RFT1: variants seen among roughly 807,000 people sequenced by gnomAD.
RFT1 encodes RFT1 glycolipid translocator homolog.
In RFT1, 43 loss-of-function variants were observed where a neutral mutation model predicts 62.2. The observed-to-expected ratio is 0.69, with a 90% CI of 0.54 to 0.89. The LOEUF is 0.89. Among genes scored for constraint, RFT1 ranks in the 40% least tolerant of loss-of-function variants. The pLI is 0.00. For missense variants in RFT1, 605 were observed against 649.9 expected, an observed-to-expected ratio of 0.93 and a Z score of 0.75; for synonymous variants, 262 against 264.6, an observed-to-expected ratio of 0.99 and a Z score of 0.10.
chr3:53,097,154 T>C (rs1340887826), intron 11 of RFT1, among the ~76,000 whole-genome samples: 1 of 152,250 alleles, frequency 6.6e-6, no homozygotes, highest in Non-Finnish European at 1.5e-5. Context: ...AAAGTCATTA[T>C]AATTGATTGT....
Position 53,105,740 on chromosome 3 carries a change from T to A in RFT1, c.890A>T (p.Glu297Val). Reference protein sequence around the residue: ...LVARLIFQPIEESFYIFFAKV... With the variant: ...LVARLIFQPIVESFYIFFAKV... ...AGCAAAAAATATATAAAAACTTTCCTCTATTGGCTGGAAAATTAATCTGGC... is the reference window on the plus strand; with the variant it reads ...AGCAAAAAATATATAAAAACTTTCCACTATTGGCTGGAAAATTAATCTGGC... Residue 297 changes from glutamate (E) to valine (V), a missense_variant, in exon 9 of 13, where the codon GAG becomes GTG. Physicochemically the swap from Glu to Val is moderately radical, Grantham distance 121. Transcript: ENST00000296292. The A allele has an allele frequency of 6.2e-7, 1 of 1,613,894 alleles. No homozygotes were observed.
At chr3:53,116,850 C>T (rs1022234265) in intron 6 of RFT1, among the ~76,000 whole-genome samples, 4 of 151,416 alleles carry the variant, frequency 2.6e-5, no homozygotes, top group Admixed American at 1.3e-4. Context: ...GTGATCTGCC[C>T]GCTCAGCCTC....
chr3:53,129,374 G>A lies in RFT1; in HGVS notation c.63+964C>T, dbSNP rs571607766. 3.9e-5 allele frequency among the ~76,000 whole-genome samples: 6 copies of A among 152,314 alleles called. No individual in the cohort carries two copies. In the East Asian group the frequency reaches 7.7e-4, roughly 20 times the overall value. On this transcript the variant is annotated intron_variant, in intron 1 of 12. Coordinates refer to ENST00000296292, the MANE Select transcript of RFT1 (RefSeq NM_052859.4). The stretch of plus-strand genomic sequence containing the variant: ...CACTATGATTCTCATTTAAGATGAA[G>A]AAACTGATACAGAAGTCATCGGATT...
rs371764423 is a variant in RFT1, at chr3:53,123,723, C to G, written c.266+1G>C. 2 of 1,611,580 alleles carry G rather than the reference C, an allele frequency of 1.2e-6. No individual in the cohort carries two copies. The highest frequency in any genetic ancestry group is 1.1e-5 in the South Asian group (1 of 91,038). On this transcript the variant is annotated splice_donor_variant, in intron 3 of 12. Transcript: ENST00000296292. LOFTEE classifies it high-confidence loss of function. The stretch of plus-strand genomic sequence containing the variant: ...GTGTCTCCTGCCAAAGCACAACTCA[C>G]GTTAGCCACAGCAGGTTGAGGGTCT...
chr3:53,118,326 A>C (rs1341130399), intron 6 of RFT1, among the ~76,000 whole-genome samples: 1 of 152,162 alleles, frequency 6.6e-6, no homozygotes, highest in Non-Finnish European at 1.5e-5. Context: ...GGCAGGGGGC[A>C]GAAGCTCTAG....
chr3:53,111,666 A>G (rs1220093945), intron 7 of RFT1, among the ~76,000 whole-genome samples, 164 bp downstream of exon 7: 3 of 152,160 alleles, frequency 2.0e-5, no homozygotes, highest in Admixed American at 1.3e-4. Context: ...ATCAAACTAA[A>G]CAGACGTTGG....
intron 6 of RFT1, among the ~76,000 whole-genome samples, chr3:53,114,447 G>A (rs1220006547): frequency 1.3e-5 from 2 of 152,180 alleles, no homozygotes; most frequent in African/African-American, 4.8e-5. Flanking sequence ...ATGGGCCTGT[G>A]GTTCAGAAGG....
intron 1 of RFT1, among the ~76,000 whole-genome samples, chr3:53,130,010 A>G (rs1702215233): frequency 6.6e-6 from 1 of 152,210 alleles, no homozygotes. Flanking sequence ...TGCCTGAAAA[A>G]TATCAGATTC....
the RFT1 span, among the ~76,000 whole-genome samples, chr3:53,075,900 G>C: frequency 6.6e-6 from 1 of 152,318 alleles, no homozygotes; most frequent in East Asian, 1.9e-4. Flanking sequence ...GGCAACCTCA[G>C]CTTGGCAGTT....
At chr3:53,098,801 CAAAAAAAAAAA>C (rs35371104) in intron 11 of RFT1, among the ~76,000 whole-genome samples, 10 of 57,636 alleles carry the variant, frequency 1.7e-4, no homozygotes, top group Non-Finnish European at 2.3e-4. Flanking sequence ...GACTCCATCT[CAAAAAAAAAAA>C]AAAAAAAAAA....
chr3:53,084,385 A>G (rs930515451), downstream of RFT1, among the ~76,000 whole-genome samples: 6 of 152,248 alleles, frequency 3.9e-5, no homozygotes, highest in Non-Finnish European at 7.3e-5. Context: ...CGCTGCCCGC[A>G]GACAGTCATG....
At chr3:53,108,793 C>G (rs1462481769) in intron 7 of RFT1, among the ~76,000 whole-genome samples, 1 of 151,648 alleles carries the variant, frequency 6.6e-6, no homozygotes, top group African/African-American at 2.4e-5. Context: ...CTCTGCCTCC[C>G]GAGTAGCTGG....
chr3:53,101,177 C>T (rs769331234), intron 10 of RFT1, among the ~76,000 whole-genome samples: 33 of 152,336 alleles, frequency 2.2e-4, no homozygotes, highest in Admixed American at 6.5e-4. Flanking sequence ...CCGTTTTCCA[C>T]GGCCCTGTCT....
intron 10 of RFT1, among the ~76,000 whole-genome samples, chr3:53,101,714 T>C (rs1701320054): frequency 1.3e-5 from 2 of 152,184 alleles, no homozygotes; most frequent in Admixed American, 6.5e-5. Context: ...GGGCAGGCCC[T>C]GATCCTATAT....
intron 2 of RFT1, among the ~76,000 whole-genome samples, chr3:53,124,268 GACAGGCA>G (rs2107169619): frequency 6.6e-6 from 1 of 152,318 alleles, no homozygotes; most frequent in Non-Finnish European, 1.5e-5. Context: ...AGAATCTCAA[GACAGGCA>G]ACAAGGCTGG....
At chr3:53,094,048 C>G (rs571518141) in intron 11 of RFT1, among the ~76,000 whole-genome samples, 25 of 152,098 alleles carry the variant, frequency 1.6e-4, no homozygotes, top group African/African-American at 4.8e-4. Flanking sequence ...GCATATGGGG[C>G]CCTCACCACC....
At position 53,089,032 on chromosome 3, in the gene RFT1, G is replaced by C. The variant is rs911530465; in HGVS notation, c.*2871C>G. The C allele has an allele frequency of 1.3e-5, 2 of 152,302 alleles. No individual in the cohort carries two copies. The highest frequency in any genetic ancestry group is 4.8e-5 in the African/African-American group (2 of 41,412). The allele number at this position is 152,302 out of a possible 1,614,324, so 9.4% of individuals were successfully genotyped here. A position where few individuals can be genotyped will look rare whatever the true frequency, so the allele number is the denominator to read the frequency against. On this transcript the variant is annotated 3_prime_UTR_variant, in exon 13 of 13. Transcript: ENST00000296292. ...CGCCTGTAGCCCCAGCTACTCAGGA[G>C]GCTGAGGCAAGAGAATCGCTTGAAC... is the stretch of plus-strand genomic sequence containing the variant.
intron 11 of RFT1, among the ~76,000 whole-genome samples, chr3:53,094,365 A>G (rs942119701): frequency 1.2e-4 from 18 of 151,586 alleles, no homozygotes; most frequent in African/African-American, 3.1e-4. Flanking sequence ...ACACACACAC[A>G]CACACACACA....
chr3:53,081,642 G>T, the RFT1 span, among the ~76,000 whole-genome samples: 1 of 152,194 alleles, frequency 6.6e-6, no homozygotes, highest in African/African-American at 2.4e-5. Flanking sequence ...TTAGACCCGA[G>T]AGGCCAAAAG....
Sources: allele counts gnomAD v4.1 joint callset (sites outside exome capture counted in the v4.1 genomes callset), GRCh38; gene constraint gnomAD v4.1.1; transcripts MANE v1.5; gene names NCBI Gene and HGNC (gene_info 2026-07-23, HGNC 2026-07-21).